Variants in MACROD2 observed in about 807,000 individuals in gnomAD.
MACROD2 encodes ADP-ribose glycohydrolase MACROD2.
In MACROD2, 36 loss-of-function variants were observed where a neutral mutation model predicts 70.4. The observed-to-expected ratio is 0.51, with a 90% CI of 0.39 to 0.68. The LOEUF (loss-of-function observed/expected upper bound fraction) is 0.68, where lower values mean the gene tolerates loss of function less well. Among genes scored for constraint, MACROD2 ranks in the 30% least tolerant of loss-of-function variants. The probability of loss-of-function intolerance (pLI) is 0.00; values close to 1 mark genes in which losing one functional copy is unlikely to be tolerated. For synonymous variants in MACROD2, 172 were observed against 178.8 expected (o/e 0.96, Z 0.30); for missense variants, 496 against 538.4 (o/e 0.92, Z 0.78).
At chr20:15,475,893 C>G (rs1244694364) in intron 7 of MACROD2, among the ~76,000 whole-genome samples, 1 of 152,226 alleles carries the variant, frequency 6.6e-6, no homozygotes, top group Non-Finnish European at 1.5e-5. Flanking sequence ...TTTTCAGGCT[C>G]ATCAAACCCT....
At chr20:15,452,945 CTA>C (rs1271142546) in intron 7 of MACROD2, among the ~76,000 whole-genome samples, 1 of 152,084 alleles carries the variant, frequency 6.6e-6, no homozygotes, top group African/African-American at 2.4e-5. Flanking sequence ...ACTTTTCTCC[CTA>C]TATATTTAGG....
chr20:14,829,182 T>A (rs1422380423), intron 5 of MACROD2, among the ~76,000 whole-genome samples: 1 of 141,408 alleles, frequency 7.1e-6, no homozygotes, highest in Non-Finnish European at 1.5e-5. Flanking sequence ...CAGGCTGGAG[T>A]ACAGTGGCAC....
At chr20:14,352,765 T>G (rs746767381) in intron 3 of MACROD2, among the ~76,000 whole-genome samples, 4 of 152,122 alleles carry the variant, frequency 2.6e-5, no homozygotes, top group Non-Finnish European at 5.9e-5. Flanking sequence ...TTGGCTAAAC[T>G]TTTTCTATGT....
At chr20:14,571,369 A>T (rs1045796549) in intron 4 of MACROD2, among the ~76,000 whole-genome samples, 3 of 152,054 alleles carry the variant, frequency 2.0e-5, no homozygotes, top group African/African-American at 7.2e-5. Context: ...GGTATTTTTG[A>T]AAGTCATGAA....
chr20:15,647,198 G>A (rs2049561236), intron 8 of MACROD2, among the ~76,000 whole-genome samples: 1 of 152,360 alleles, frequency 6.6e-6, no homozygotes, highest in South Asian at 2.1e-4. Flanking sequence ...CAGCCTGGGA[G>A]TACAAATGTC....
intron 5 of MACROD2, among the ~76,000 whole-genome samples, chr20:14,897,287 T>G (rs1227293966): frequency 1.3e-5 from 2 of 152,060 alleles, no homozygotes; most frequent in Non-Finnish European, 2.9e-5. Context: ...GTAACTGAAT[T>G]TTAGGGGGAT....
chr20:15,552,470 G>A (rs752529651), intron 8 of MACROD2: 1 of 152,198 alleles, frequency 6.6e-6, no homozygotes, highest in Non-Finnish European at 1.5e-5. Flanking sequence ...GTTTTGGGGT[G>A]TTTTTGTTTT....
chr20:14,236,409 A>C (rs2081871326), intron 3 of MACROD2, among the ~76,000 whole-genome samples: 1 of 152,098 alleles, frequency 6.6e-6, no homozygotes, highest in Non-Finnish European at 1.5e-5. Flanking sequence ...TGTTGCTTAG[A>C]AGACAAAGCA....
chr20:14,355,223 G>T (rs560760641), intron 3 of MACROD2, among the ~76,000 whole-genome samples: 1 of 152,272 alleles, frequency 6.6e-6, no homozygotes, highest in East Asian at 1.9e-4. Flanking sequence ...TCCCAACAGT[G>T]CATATACAGG....
intron 3 of MACROD2, among the ~76,000 whole-genome samples, chr20:14,328,434 C>A (rs913524632): frequency 4.6e-5 from 7 of 152,004 alleles, no homozygotes; most frequent in Non-Finnish European, 1.0e-4. Flanking sequence ...TGAATTCTAA[C>A]CTAGAACATA....
intron 3 of MACROD2, among the ~76,000 whole-genome samples, chr20:14,365,632 A>G (rs563581071): frequency 1.3e-5 from 2 of 151,896 alleles, no homozygotes; most frequent in Non-Finnish European, 2.9e-5. Context: ...AATCTTTATT[A>G]TTTCCTTCAC....
rs940794788 is a variant in MACROD2, at chr20:15,655,160, G to A, written c.645+155313G>A. On this transcript the variant is annotated intron_variant, in intron 8 of 17. Transcript: ENST00000684519. Reference sequence around the variant, plus strand: ...GTGTTGTGTGTATGTATGTGTGTGTGTGTAAAACACATTCTCAAAAAGGGG... The same window carrying A: ...GTGTTGTGTGTATGTATGTGTGTGTATGTAAAACACATTCTCAAAAAGGGG... Among the ~76,000 whole-genome samples the A allele has an allele frequency of 4.6e-5, 7 of 152,142 alleles. No individual in the cohort carries two copies. The South Asian group carries it at 1.2e-3, about 27-fold the overall frequency.
At chr20:14,127,404 T>C (rs2054664980) in intron 3 of MACROD2, 2 of 448,192 alleles carry the variant, frequency 4.5e-6, no homozygotes, top group South Asian at 4.6e-5. Flanking sequence ...CACTGCTTCA[T>C]GATTTTCTGT....
intron 3 of MACROD2, among the ~76,000 whole-genome samples, chr20:14,430,934 A>G (rs2083988189): frequency 1.3e-5 from 2 of 152,114 alleles, no homozygotes; most frequent in Admixed American, 1.3e-4. Context: ...TGGAAGCCGC[A>G]TGATGGGAAT....
At chr20:15,646,732 C>T (rs1035673946) in intron 8 of MACROD2, among the ~76,000 whole-genome samples, 3 of 152,182 alleles carry the variant, frequency 2.0e-5, no homozygotes, top group East Asian at 1.9e-4. Context: ...CTTCTCCCTT[C>T]GATTGGCACT....
chr20:14,714,107 T>C (rs538865340), intron 5 of MACROD2, among the ~76,000 whole-genome samples: 1 of 152,154 alleles, frequency 6.6e-6, no homozygotes, highest in South Asian at 2.1e-4. Context: ...CAAAAATAGG[T>C]TGGGCTCAGG....
chr20:13,997,868 C>T (rs1252885217), intron 1 of MACROD2, among the ~76,000 whole-genome samples: 1 of 151,828 alleles, frequency 6.6e-6, no homozygotes, highest in Non-Finnish European at 1.5e-5. Flanking sequence ...ATATTATACC[C>T]CCAAGGAAGA....
intron 3 of MACROD2, chr20:14,086,344 A>T (rs1195417924): frequency 4.5e-6 from 1 of 222,830 alleles, no homozygotes; most frequent in Non-Finnish European, 9.5e-6. Flanking sequence ...ATATCAAAAA[A>T]GATATAACAG....
intron 9 of MACROD2, among the ~76,000 whole-genome samples, 191 bp downstream of exon 9, chr20:15,863,017 CTG>C (rs1312824702): frequency 6.6e-6 from 1 of 151,526 alleles, no homozygotes. Flanking sequence ...CAAGAGGTCA[CTG>C]TGTTGTCTTG....
Sources: allele counts gnomAD v4.1 joint callset (sites outside exome capture counted in the v4.1 genomes callset), GRCh38; gene constraint gnomAD v4.1.1; transcripts MANE v1.5; gene names NCBI Gene and HGNC (gene_info 2026-07-23, HGNC 2026-07-21).